The following SLC25A26 variants were observed in gnomAD, a reference collection of about 807,000 sequenced individuals.
The protein encoded by SLC25A26 is solute carrier family 25 member 26.
In SLC25A26, 36 loss-of-function variants were observed where a neutral mutation model predicts 37.8. The observed-to-expected ratio is 0.95, with a 90% CI of 0.73 to 1.26. SLC25A26 has a LOEUF of 1.26. Ranked by LOEUF, SLC25A26 falls within the 50% of genes most tolerant of loss-of-function variation. The probability of loss-of-function intolerance (pLI) is 0.00; values close to 1 mark genes in which losing one functional copy is unlikely to be tolerated. For synonymous variants in SLC25A26, 129 were observed against 122.5 expected (o/e 1.05, Z -0.35); for missense variants, 390 against 331.1 (o/e 1.18, Z -1.38).
intron 7 of SLC25A26, among the ~76,000 whole-genome samples, chr3:66,365,037 A>G (rs1260112901): frequency 6.6e-6 from 1 of 152,258 alleles, no homozygotes; most frequent in Non-Finnish European, 1.5e-5. Flanking sequence ...TTTCTGAAGG[A>G]TAAACATCAC....
At chr3:66,353,478 C>T (rs2076506818) in intron 6 of SLC25A26, among the ~76,000 whole-genome samples, 1 of 152,178 alleles carries the variant, frequency 6.6e-6, no homozygotes, top group African/African-American at 2.4e-5. Context: ...AGATCTAACT[C>T]CAGACTTGAT....
chr3:66,352,442 G>GTTTT (rs58389048), intron 6 of SLC25A26, among the ~76,000 whole-genome samples: 4 of 128,944 alleles, frequency 3.1e-5, no homozygotes, highest in Non-Finnish European at 6.9e-5. Flanking sequence ...TTTGTTTTTT[G>GTTTT]TTTTTTTTTT....
chr3:66,312,529 C>T (rs544098270), intron 5 of SLC25A26, among the ~76,000 whole-genome samples: 154 of 129,892 alleles, frequency 1.2e-3, no homozygotes, highest in African/African-American at 4.5e-3. Flanking sequence ...TCACTGGGTA[C>T]GAAGAAAAAA....
intron 5 of SLC25A26, chr3:66,293,343 C>T (rs1422836844): frequency 2.6e-5 from 4 of 151,864 alleles, no homozygotes; most frequent in Admixed American, 1.3e-4. Flanking sequence ...CACCAAACAC[C>T]CCTTTGGGGT....
chr3:66,238,921 C>T lies in SLC25A26; in HGVS notation c.190+2221C>T, dbSNP rs1048969267. On this transcript the variant is annotated intron_variant, in intron 2 of 9. Coordinates refer to ENST00000354883, the MANE Select transcript of SLC25A26 (RefSeq NM_001379210.1). ...ATAGTGTAACTTTATGGAAATTTAT[C>T]ATAGTTTCTGTCTCACCTTTTTGCT... Among the ~76,000 whole-genome samples, 3 of 152,088 alleles carry T rather than the reference C, an allele frequency of 2.0e-5. No individual in the cohort carries two copies. The South Asian group carries it at 6.2e-4, about 32-fold the overall frequency.
chr3:66,319,979 T>G (rs2075650828), intron 5 of SLC25A26, among the ~76,000 whole-genome samples: 1 of 151,978 alleles, frequency 6.6e-6, no homozygotes, highest in Non-Finnish European at 1.5e-5. Flanking sequence ...ACTCCCAACC[T>G]CAGGTGATCC....
intron 1 of SLC25A26, among the ~76,000 whole-genome samples, chr3:66,166,725 T>G (rs911449294): frequency 4.5e-4 from 68 of 152,298 alleles, no homozygotes; most frequent in African/African-American, 1.6e-3. Context: ...CCAACCCTAA[T>G]TCCATATGGC....
intron 3 of SLC25A26, among the ~76,000 whole-genome samples, chr3:66,250,641 G>GTTTTCAACTTGAAACA (rs2073047262): frequency 6.9e-6 from 1 of 144,818 alleles, no homozygotes; most frequent in African/African-American, 2.5e-5. Context: ...TATCACATGC[G>GTTTTCAACTTGAAACA]TTTTCAACTT....
chr3:66,281,374 T>A (rs1432780702), intron 5 of SLC25A26, among the ~76,000 whole-genome samples: 2 of 152,226 alleles, frequency 1.3e-5, no homozygotes, highest in Admixed American at 6.5e-5. Context: ...GATTATCCCA[T>A]TCCCCAATAA....
At chr3:66,338,776 A>G (rs1304511517) in intron 5 of SLC25A26, among the ~76,000 whole-genome samples, 1 of 151,994 alleles carries the variant, frequency 6.6e-6, no homozygotes, top group African/African-American at 2.4e-5. Flanking sequence ...TGTAGCTTCT[A>G]TCTCTATGAA....
intron 5 of SLC25A26, among the ~76,000 whole-genome samples, chr3:66,341,156 A>G (rs1326749878): frequency 6.6e-6 from 1 of 152,128 alleles, no homozygotes; most frequent in Non-Finnish European, 1.5e-5. Flanking sequence ...TACCTTATTC[A>G]TGATCTTAAG....
At chr3:66,209,576 A>C (rs1672313975) in intron 1 of SLC25A26, among the ~76,000 whole-genome samples, 1 of 141,654 alleles carries the variant, frequency 7.1e-6, no homozygotes, top group South Asian at 2.3e-4. Context: ...TATACGTATA[A>C]AAGTATAGGC....
intron 1 of SLC25A26, among the ~76,000 whole-genome samples, chr3:66,183,454 G>A (rs532567980): frequency 9.9e-5 from 15 of 151,690 alleles, no homozygotes; most frequent in African/African-American, 3.1e-4. Flanking sequence ...GACTCTCACC[G>A]TGTCCCCGAA....
chr3:66,308,640 G>T (rs2075292860), intron 5 of SLC25A26, among the ~76,000 whole-genome samples: 1 of 152,106 alleles, frequency 6.6e-6, no homozygotes, highest in South Asian at 2.1e-4. Flanking sequence ...CTATGAGTTT[G>T]TCATAACTAT....
chr3:66,134,734 A>T (rs1283615699), intron 1 of SLC25A26, among the ~76,000 whole-genome samples: 1 of 152,040 alleles, frequency 6.6e-6, no homozygotes, highest in East Asian at 1.9e-4. Context: ...TTTTGCCATC[A>T]ATTTCCATAT....
chr3:66,295,483 G>A (rs983242029), intron 5 of SLC25A26, among the ~76,000 whole-genome samples: 7 of 148,836 alleles, frequency 4.7e-5, no homozygotes, highest in African/African-American at 1.7e-4. Context: ...CTTACTGCAA[G>A]CTCCGCCTCC....
chr3:66,222,401 C>T lies in SLC25A26; in HGVS notation c.33+1274C>T, dbSNP rs150841829. ...TTCACCGTGTTAGCCAGGATGGTCT[C>T]GATCTCCTGACCTCGTGATCCCGCC... is the stretch of plus-strand genomic sequence containing the variant. On this transcript the variant is annotated intron_variant, in intron 1 of 9. Coordinates refer to ENST00000354883, the MANE Select transcript of SLC25A26 (RefSeq NM_001379210.1). Among the ~76,000 whole-genome samples the T allele has an allele frequency of 3.7e-3, 565 of 152,198 alleles. 3 individuals carry two copies. The highest frequency in any genetic ancestry group is 0.017 in the East Asian group (89 of 5,158).
chr3:66,290,426 A>G (rs369592271), intron 5 of SLC25A26, among the ~76,000 whole-genome samples: 2 of 152,316 alleles, frequency 1.3e-5, no homozygotes, highest in East Asian at 1.9e-4. Flanking sequence ...GCTTTTGGTC[A>G]TTCAATATGA....
chr3:66,259,518 C>T (rs555616073), intron 3 of SLC25A26, among the ~76,000 whole-genome samples: 84 of 152,240 alleles, frequency 5.5e-4, no homozygotes, highest in African/African-American at 1.9e-3. Flanking sequence ...TGCCTATTAT[C>T]CAAACCAGAA....
Sources: allele counts gnomAD v4.1 joint callset (sites outside exome capture counted in the v4.1 genomes callset), GRCh38; gene constraint gnomAD v4.1.1; transcripts MANE v1.5; gene names NCBI Gene and HGNC (gene_info 2026-07-23, HGNC 2026-07-21).